Variants in RANBP2 observed in about 807,000 individuals in gnomAD.
RANBP2 encodes E3 SUMO-protein ligase RanBP2.
RANBP2 carries 57 observed loss-of-function variants against 303.6 expected under a neutral mutation model. That is an observed-to-expected ratio of 0.19 (90% CI 0.15 to 0.23). The LOEUF (loss-of-function observed/expected upper bound fraction) is 0.23, where lower values mean the gene tolerates loss of function less well. Among genes scored for constraint, RANBP2 ranks in the 10% least tolerant of loss-of-function variants. RANBP2 has a pLI of 1.00. For synonymous variants in RANBP2, 1,167 were observed against 1,301.5 expected (o/e 0.90, Z 2.23); for missense variants, 3,138 against 3,780.8 (o/e 0.83, Z 4.46).
chr2:109,367,548 C>T, the RANBP2 span, among the ~76,000 whole-genome samples: 4 of 152,296 alleles, frequency 2.6e-5, no homozygotes, highest in South Asian at 8.3e-4. Flanking sequence ...TCCCAAAGTG[C>T]TGGGATTACA....
chr2:109,655,649 GAAAC>G, the RANBP2 span, among the ~76,000 whole-genome samples: 4 of 131,630 alleles, frequency 3.0e-5, no homozygotes, highest in African/African-American at 1.3e-4. Flanking sequence ...TTTTAAAGCA[GAAAC>G]AAACAAACAA....
the RANBP2 span, among the ~76,000 whole-genome samples, chr2:109,431,427 C>T: frequency 1.3e-5 from 2 of 152,174 alleles, no homozygotes; most frequent in Admixed American, 6.6e-5. Flanking sequence ...CCAAAAGTAG[C>T]AGAGCACTTT....
chr2:108,764,933 C>T lies in RANBP2; in HGVS notation c.4394C>T (p.Pro1465Leu). 1 of 1,613,982 alleles carries T rather than the reference C, an allele frequency of 6.2e-7. No individual in the cohort carries two copies. ...TTTAAATTTGGCCAGGGAGATCTTC[C>T]TAAACCTATTAACAGTGATTTCAGA... ...ASFKFGQGDL[P>L]KPINSDFRSV... Residue 1465 changes from proline to leucine, a missense_variant, in exon 20 of 29, where the codon CCT becomes CTT. Transcript: ENST00000283195.
At chr2:109,237,525 G>A in the RANBP2 span, among the ~76,000 whole-genome samples, 1 of 152,216 alleles carries the variant, frequency 6.6e-6, no homozygotes, top group Non-Finnish European at 1.5e-5. Context: ...CAGGCTGCAT[G>A]TGGCCCAGGG....
chr2:108,923,430 G>A, the RANBP2 span: 10 of 1,614,144 alleles, frequency 6.2e-6, no homozygotes, highest in East Asian at 2.2e-5. Flanking sequence ...GATGTTCCTC[G>A]GTCTGTTCTC....
the RANBP2 span, among the ~76,000 whole-genome samples, chr2:109,263,748 T>C: frequency 6.6e-6 from 1 of 152,130 alleles, no homozygotes; most frequent in Non-Finnish European, 1.5e-5. Flanking sequence ...GGGCAGATCA[T>C]GAGGTCAGGA....
chr2:109,553,297 C>A, the RANBP2 span: 1 of 1,487,346 alleles, frequency 6.7e-7, no homozygotes, highest in Non-Finnish European at 9.2e-7. Context: ...GTAATCCCAA[C>A]ACTTTGGGAG....
the RANBP2 span, among the ~76,000 whole-genome samples, chr2:109,074,717 A>ATAC: frequency 2.0e-5 from 3 of 149,380 alleles, no homozygotes; most frequent in African/African-American, 7.3e-5. Context: ...AATAATAATA[A>ATAC]TAGTAATAAT....
the RANBP2 span, among the ~76,000 whole-genome samples, chr2:109,275,575 A>T: frequency 1.1e-4 from 16 of 152,290 alleles, no homozygotes; most frequent in Middle Eastern, 3.4e-3. Context: ...GAGCACTCAA[A>T]AGAGTGCCCC....
the RANBP2 span, among the ~76,000 whole-genome samples, chr2:109,680,432 T>G: frequency 2.0e-5 from 3 of 150,986 alleles, no homozygotes; most frequent in African/African-American, 7.3e-5. Flanking sequence ...ATAAAAGAAT[T>G]GTGTGTGCTT....
chr2:109,466,809 A>T, the RANBP2 span, among the ~76,000 whole-genome samples: 1 of 151,666 alleles, frequency 6.6e-6, no homozygotes, highest in African/African-American at 2.4e-5. Flanking sequence ...ATATGTGTGT[A>T]TGTCTATATG....
chr2:109,508,349 G>A, the RANBP2 span, among the ~76,000 whole-genome samples: 2 of 152,134 alleles, frequency 1.3e-5, no homozygotes, highest in African/African-American at 4.8e-5. Flanking sequence ...GAAGATACAC[G>A]TAGAGCTATT....
chr2:109,043,337 A>G, the RANBP2 span, among the ~76,000 whole-genome samples: 2 of 152,056 alleles, frequency 1.3e-5, no homozygotes, highest in Non-Finnish European at 2.9e-5. Context: ...AGATGATTTT[A>G]TAACATGAAC....
chr2:109,561,184 G>A, the RANBP2 span, among the ~76,000 whole-genome samples: 1 of 152,166 alleles, frequency 6.6e-6, no homozygotes, highest in Non-Finnish European at 1.5e-5. Context: ...CTGTACTGCA[G>A]TGAACTGATC....
chr2:108,937,746 T>C, the RANBP2 span, among the ~76,000 whole-genome samples: 27 of 152,080 alleles, frequency 1.8e-4, no homozygotes, highest in African/African-American at 6.5e-4. Flanking sequence ...TATGAGTGTA[T>C]GCATATGAAT....
At chr2:109,099,082 A>C in the RANBP2 span, among the ~76,000 whole-genome samples, 1 of 152,196 alleles carries the variant, frequency 6.6e-6, no homozygotes, top group Non-Finnish European at 1.5e-5. Context: ...CACTTTGAGA[A>C]AGGAACGAGT....
the RANBP2 span, among the ~76,000 whole-genome samples, chr2:108,992,230 C>T: frequency 6.6e-5 from 10 of 152,244 alleles, no homozygotes; most frequent in Non-Finnish European, 1.2e-4. Flanking sequence ...AGCAAATGCA[C>T]GTCACGTCTT....
chr2:109,251,138 G>T, the RANBP2 span, among the ~76,000 whole-genome samples: 1 of 152,022 alleles, frequency 6.6e-6, no homozygotes, highest in Non-Finnish European at 1.5e-5. Context: ...CAGTAGCTGG[G>T]ATTACAGGCA....
the RANBP2 span, among the ~76,000 whole-genome samples, chr2:108,948,858 G>A: frequency 2.6e-5 from 4 of 152,092 alleles, no homozygotes; most frequent in Admixed American, 6.6e-5. Context: ...TGGCTCATGC[G>A]TATAATCCCA....
Sources: allele counts gnomAD v4.1 joint callset (sites outside exome capture counted in the v4.1 genomes callset), GRCh38; gene constraint gnomAD v4.1.1; transcripts MANE v1.5; gene names NCBI Gene and HGNC (gene_info 2026-07-23, HGNC 2026-07-21).